The following MAD1L1 variants were observed in gnomAD, a reference collection of about 807,000 sequenced individuals.
MAD1L1 encodes mitotic spindle assembly checkpoint protein MAD1.
Under a neutral mutation model 96.9 loss-of-function variants are expected in MAD1L1, and 95 were observed. That is an observed-to-expected ratio of 0.98 (90% CI 0.83 to 1.16). The LOEUF (loss-of-function observed/expected upper bound fraction) is 1.16. Ranked by LOEUF, MAD1L1 falls within the 50% of genes most tolerant of loss-of-function variation. MAD1L1 has a pLI of 0.00. For synonymous variants in MAD1L1, 473 were observed against 396.6 expected (o/e 1.19, Z -2.29); for missense variants, 1,007 against 954.4 (o/e 1.06, Z -0.73).
chr7:1,934,063 A>G (rs1483509493), intron 17 of MAD1L1, among the ~76,000 whole-genome samples: 2 of 152,258 alleles, frequency 1.3e-5, no homozygotes, highest in African/African-American at 2.4e-5. Flanking sequence ...TACATAAAAC[A>G]GAGGCCACCA....
chr7:2,223,720 C>T (rs891965800), intron 4 of MAD1L1: 4 of 152,288 alleles, frequency 2.6e-5, no homozygotes, highest in African/African-American at 4.8e-5. Context: ...AGGACAAGAA[C>T]TGGGGTTGGC....
chr7:2,091,789 A>G (rs985910995), intron 11 of MAD1L1, among the ~76,000 whole-genome samples: 1 of 151,872 alleles, frequency 6.6e-6, no homozygotes, highest in Non-Finnish European at 1.5e-5. Flanking sequence ...AAAAAAAAAA[A>G]AGATTCATCT....
At position 2,212,299 on chromosome 7, in the gene MAD1L1, C is replaced by T. The variant is rs529120604; in HGVS notation, c.986+913G>A. Among the ~76,000 whole-genome samples the T allele has an allele frequency of 1.6e-4, 25 of 152,356 alleles. No individual in the cohort carries two copies. The South Asian group carries it at 5.2e-3, about 32-fold the overall frequency. The stretch of plus-strand genomic sequence containing the variant: ...TCCACCCCACATCCCACCACCCAAG[C>T]GCTGGCACTCAGCTTGGCACAGACT... On this transcript the variant is annotated intron_variant, in intron 10 of 18. Transcript: ENST00000265854.
intron 11 of MAD1L1, among the ~76,000 whole-genome samples, chr7:2,093,634 G>C (rs949274883): frequency 3.3e-5 from 5 of 152,198 alleles, no homozygotes; most frequent in African/African-American, 1.2e-4. Flanking sequence ...TTCCTTCCAG[G>C]TGTGGGAACA....
At chr7:2,157,614 C>G (rs1446723016) in intron 10 of MAD1L1, among the ~76,000 whole-genome samples, 1 of 152,136 alleles carries the variant, frequency 6.6e-6, no homozygotes, top group Non-Finnish European at 1.5e-5. Context: ...GACTCAGGAA[C>G]CCGGCTTGTG....
At chr7:1,929,824 T>TC (rs869247898) in intron 17 of MAD1L1, among the ~76,000 whole-genome samples, 4,284 of 5,102 alleles carry the variant, frequency 0.84, 1,792 homozygotes, top group South Asian at 0.9. Context: ...CCACGTCCCC[T>TC]GCCCCGTCCC....
intron 13 of MAD1L1, among the ~76,000 whole-genome samples, chr7:2,009,121 G>A (rs1782173615): frequency 6.6e-6 from 1 of 152,204 alleles, no homozygotes; most frequent in Non-Finnish European, 1.5e-5. Flanking sequence ...GGGACCACGT[G>A]TCCCGGGTGG....
At chr7:1,922,602 G>A (rs34587377) in intron 17 of MAD1L1, among the ~76,000 whole-genome samples, 1,800 of 152,276 alleles carry the variant, frequency 0.012, 25 homozygotes, top group Middle Eastern at 0.054. Context: ...GAAAAGGGTC[G>A]GTCCTGCCTT....
intron 16 of MAD1L1, among the ~76,000 whole-genome samples, chr7:1,945,060 C>A (rs1779166103): frequency 6.6e-6 from 1 of 152,220 alleles, no homozygotes; most frequent in Non-Finnish European, 1.5e-5. Flanking sequence ...ACACCGAGAC[C>A]CTCCCGCTAG....
intron 18 of MAD1L1, chr7:1,847,689 A>C (rs549531100): frequency 4.3e-6 from 2 of 470,104 alleles, no homozygotes; most frequent in Admixed American, 4.7e-5. Context: ...CACTGGGGAG[A>C]CCTCAGCTCT....
intron 12 of MAD1L1, among the ~76,000 whole-genome samples, chr7:2,065,582 C>T (rs1434047326): frequency 6.6e-6 from 1 of 152,202 alleles, no homozygotes; most frequent in East Asian, 1.9e-4. Context: ...TTCAGCCAGC[C>T]CAGACCCAAC....
chr7:2,201,711 T>C (rs573248090), intron 10 of MAD1L1: 1 of 152,396 alleles, frequency 6.6e-6, no homozygotes, highest in African/African-American at 2.4e-5. Flanking sequence ...AGCACTCAGC[T>C]GTCTGTGCAG....
intron 11 of MAD1L1, among the ~76,000 whole-genome samples, chr7:2,116,650 A>G (rs1243028054): frequency 6.6e-6 from 1 of 151,184 alleles, no homozygotes; most frequent in African/African-American, 2.4e-5. Flanking sequence ...CATGTGTCAT[A>G]CTGTTGCAGG....
In MAD1L1 at chr7:1,905,474, C is replaced by T. The variant is rs1181176846; in HGVS notation, c.1808-7084G>A. ...CAAGCACGCAGTGGCCTATGGAAGA[C>T]GCTCTTGCGGAACTCATGATTGATG... On this transcript the variant is annotated intron_variant, in intron 17 of 18. Coordinates refer to ENST00000265854, the MANE Select transcript of MAD1L1 (RefSeq NM_001013836.2). 2.0e-4 allele frequency among the ~76,000 whole-genome samples: 29 copies of T among 146,768 alleles called. 2 individuals carry two copies. The highest frequency in any genetic ancestry group is 5.6e-4 in the African/African-American group (22 of 39,214).
At chr7:1,843,579 T>C (rs1783407460) in intron 18 of MAD1L1, among the ~76,000 whole-genome samples, 1 of 152,186 alleles carries the variant, frequency 6.6e-6, no homozygotes, top group African/African-American at 2.4e-5. Context: ...GCAATGCTAT[T>C]TTAAGATGCA....
Position 2,119,740 on chromosome 7 carries a change from C to T in MAD1L1, c.1073+29412G>A, listed in dbSNP as rs905925978. On this transcript the variant is annotated intron_variant, in intron 11 of 18. Coordinates refer to ENST00000265854, the MANE Select transcript of MAD1L1 (RefSeq NM_001013836.2). The surrounding 1 kb of genome is among the most constrained non-coding windows in gnomAD (Gnocchi z 4.6). ...AGAGCCTGCCAGTCCAGCAGGGGAC[C>T]CCTCAGCACAGTCCTGGCTGCACCC... Among the ~76,000 whole-genome samples, 4 of 152,132 alleles carry T rather than the reference C, an allele frequency of 2.6e-5. No individual in the cohort carries two copies. The highest frequency in any genetic ancestry group is 2.0e-4 in the Admixed American group (3 of 15,280).
chr7:2,186,470 T>G (rs972344068), intron 10 of MAD1L1, among the ~76,000 whole-genome samples: 1 of 152,258 alleles, frequency 6.6e-6, no homozygotes, highest in Non-Finnish European at 1.5e-5. Flanking sequence ...AAGACGTCCA[T>G]GCACATAAAA....
chr7:1,908,503 T>C (rs1333717440), intron 17 of MAD1L1, among the ~76,000 whole-genome samples: 1 of 152,128 alleles, frequency 6.6e-6, no homozygotes, highest in African/African-American at 2.4e-5. Flanking sequence ...CACCTCAGCT[T>C]CCCAAGTAGC....
chr7:1,994,679 A>G (rs1255419284), intron 14 of MAD1L1, among the ~76,000 whole-genome samples: 5 of 151,910 alleles, frequency 3.3e-5, no homozygotes, highest in Non-Finnish European at 7.4e-5. Flanking sequence ...GCACCCTCAT[A>G]AAAGGGACCC....
Sources: gnomAD v4.1 joint callset for allele counts (sites outside exome capture counted in the v4.1 genomes callset) on GRCh38, gnomAD v4.1.1 for gene constraint, Gnocchi (gnomAD v3.1) non-coding constraint, MANE v1.5 for transcripts, NCBI Gene and HGNC (gene_info 2026-07-23, HGNC 2026-07-21) for gene names.